Variants in NR1I2 observed in about 807,000 individuals in gnomAD.
NR1I2 encodes the protein orphan nuclear receptor PAR1.
NR1I2 carries 42 observed loss-of-function variants against 43.3 expected under a neutral mutation model. The ratio of observed to expected loss-of-function variants is 0.97; its 90% confidence interval spans 0.76 to 1.26. The LOEUF (loss-of-function observed/expected upper bound fraction) is 1.26, where lower values mean the gene tolerates loss of function less well. Ranked by LOEUF, NR1I2 falls within the 50% of genes most tolerant of loss-of-function variation. The probability of loss-of-function intolerance (pLI) is 0.00; values close to 1 mark genes in which losing one functional copy is unlikely to be tolerated. For synonymous variants in NR1I2, 229 were observed against 215.0 expected, an observed-to-expected ratio of 1.06 and a Z score of -0.57; for missense variants, 559 against 566.7, an observed-to-expected ratio of 0.99 and a Z score of 0.14.
intron 1 of NR1I2, among the ~76,000 whole-genome samples, chr3:119,790,296 A>G (rs2054901574): frequency 6.6e-6 from 1 of 152,088 alleles, no homozygotes; most frequent in South Asian, 2.1e-4. Flanking sequence ...TGTTTTGTTT[A>G]TCCATTCATC....
rs370394566 is a variant in NR1I2 at position 119,817,195 on chromosome 3, G to A, written c.1288G>A (p.Gly430Ser). ...TACGCCCCTCATGCAGGAGTTGTTC[G>A]GCATCACAGGTAGCTGAGCGGCTGC... The change falls in exon 9 of 9, where the codon GGC (glycine) becomes AGC (serine). Residue 430 changes from glycine to serine, a missense_variant. Gly to Ser is a moderately conservative substitution (Grantham distance 56, BLOSUM62 0). Transcript: ENST00000393716. The A allele has an allele frequency of 5.6e-5, 90 of 1,614,002 alleles. No homozygotes were observed. The East Asian group carries it at 7.6e-4, about 14-fold the overall frequency.
intron 1 of NR1I2, chr3:119,782,919 G>C: frequency 7.6e-7 from 1 of 1,316,322 alleles, no homozygotes; most frequent in Non-Finnish European, 1.1e-6. Flanking sequence ...GCCTGCATGT[G>C]GTCAGTGCCA....
At chr3:119,783,480 C>T (rs1577265320) in intron 1 of NR1I2, among the ~76,000 whole-genome samples, 1 of 152,226 alleles carries the variant, frequency 6.6e-6, no homozygotes. Flanking sequence ...GACAGTATGG[C>T]CCACAAAGCC....
intron 1 of NR1I2, among the ~76,000 whole-genome samples, chr3:119,801,194 G>A (rs895074147): frequency 6.6e-6 from 1 of 152,172 alleles, no homozygotes; most frequent in Non-Finnish European, 1.5e-5. Context: ...CTTCCTTTCT[G>A]AGAACGTAGT....
intron 1 of NR1I2, among the ~76,000 whole-genome samples, chr3:119,789,333 GA>G (rs34874198): frequency 0.43 from 65,260 of 151,890 alleles, 14,681 homozygotes; most frequent in South Asian, 0.51. Flanking sequence ...AAATTACAAA[GA>G]AAAAAAGGTT....
At chr3:119,783,783 GT>G (rs1328167467) in intron 1 of NR1I2, among the ~76,000 whole-genome samples, 1 of 152,150 alleles carries the variant, frequency 6.6e-6, no homozygotes, top group Non-Finnish European at 1.5e-5. Context: ...CCAGACCATT[GT>G]GTCTGTGTGT....
At chr3:119,785,748 C>T (rs1022886055) in intron 1 of NR1I2, among the ~76,000 whole-genome samples, 2 of 152,184 alleles carry the variant, frequency 1.3e-5, no homozygotes, top group African/African-American at 4.8e-5. Context: ...CTTTACTTTC[C>T]TACCAGCTCA....
At chr3:119,792,502 CA>C (rs1258153316) in intron 1 of NR1I2, 1 of 1,076,644 alleles carries the variant, frequency 9.3e-7, no homozygotes, top group Non-Finnish European at 1.4e-6. Flanking sequence ...GCTCTTGGAA[CA>C]TCACCAATCT....
chr3:119,783,781 T>C (rs1202624027), intron 1 of NR1I2, among the ~76,000 whole-genome samples: 2 of 152,196 alleles, frequency 1.3e-5, no homozygotes, highest in Non-Finnish European at 2.9e-5. Flanking sequence ...TGCCAGACCA[T>C]TGTGTCTGTG....
At chr3:119,787,025 T>A (rs1215590876) in intron 1 of NR1I2, among the ~76,000 whole-genome samples, 3 of 152,086 alleles carry the variant, frequency 2.0e-5, no homozygotes, top group Admixed American at 6.5e-5. Flanking sequence ...TGGTGGATCA[T>A]GCCTGTAATC....
chr3:119,785,967 T>G (rs2054837545), intron 1 of NR1I2, among the ~76,000 whole-genome samples: 1 of 152,232 alleles, frequency 6.6e-6, no homozygotes, highest in South Asian at 2.1e-4. Flanking sequence ...GAAGCTCTCT[T>G]CTATTCCTCT....
intron 3 of NR1I2, chr3:119,810,445 T>G: frequency 1.7e-6 from 1 of 576,550 alleles, no homozygotes; most frequent in South Asian, 2.2e-5. Flanking sequence ...GGACAGGGCG[T>G]GCCCTCTGTC....
chr3:119,801,850 G>A (rs1225265665), intron 1 of NR1I2, among the ~76,000 whole-genome samples: 1 of 152,158 alleles, frequency 6.6e-6, no homozygotes, highest in African/African-American at 2.4e-5. Flanking sequence ...CCGGGAGGCT[G>A]GGGTGGCTGG....
chr3:119,806,810 C>T (rs2055167874), intron 1 of NR1I2, among the ~76,000 whole-genome samples: 1 of 152,168 alleles, frequency 6.6e-6, no homozygotes, highest in Non-Finnish European at 1.5e-5. Flanking sequence ...CCTCAATGTC[C>T]CCAGTCCCAG....
intron 1 of NR1I2, among the ~76,000 whole-genome samples, chr3:119,797,186 A>ATG (rs60261128): frequency 0.011 from 1,665 of 145,138 alleles, 17 homozygotes; most frequent in African/African-American, 0.015. Flanking sequence ...GCACAAAGAT[A>ATG]TGTGTGTGTG....
chr3:119,812,116 C>A (rs2055252371), intron 4 of NR1I2, among the ~76,000 whole-genome samples: 1 of 151,816 alleles, frequency 6.6e-6, no homozygotes, highest in Non-Finnish European at 1.5e-5. Flanking sequence ...GGCAGTTCCC[C>A]AGTGTTGCTG....
chr3:119,791,383 T>C (rs2054916589), intron 1 of NR1I2, among the ~76,000 whole-genome samples: 1 of 152,062 alleles, frequency 6.6e-6, no homozygotes, highest in Non-Finnish European at 1.5e-5. Context: ...CAAGGAGAGG[T>C]GGGAGGCTGT....
At chr3:119,810,445 T>A (rs2055223899) in intron 3 of NR1I2, 1 of 576,432 alleles carries the variant, frequency 1.7e-6, no homozygotes, top group African/African-American at 1.9e-5. Context: ...GGACAGGGCG[T>A]GCCCTCTGTC....
intron 2 of NR1I2, among the ~76,000 whole-genome samples, chr3:119,809,672 A>G (rs895512278): frequency 2.0e-5 from 3 of 152,146 alleles, no homozygotes; most frequent in Admixed American, 1.3e-4. Context: ...GCCCATCTCC[A>G]TGGAAACTTT....
Sources: gnomAD v4.1 joint callset for allele counts (sites outside exome capture counted in the v4.1 genomes callset) on GRCh38, gnomAD v4.1.1 for gene constraint, MANE v1.5 for transcripts, NCBI Gene and HGNC (gene_info 2026-07-23, HGNC 2026-07-21) for gene names.